UNC13B: variants seen among roughly 807,000 people sequenced by gnomAD.
UNC13B encodes the protein protein unc-13 homolog B.
UNC13B carries 144 observed loss-of-function variants against 211.0 expected under a neutral mutation model. The ratio of observed to expected loss-of-function variants is 0.68; its 90% confidence interval spans 0.60 to 0.78. UNC13B has a LOEUF of 0.78. Ranked by LOEUF, UNC13B falls within the 30% of genes least tolerant of loss-of-function variation. UNC13B has a pLI of 0.00. For synonymous variants in UNC13B, 709 were observed against 725.8 expected, an observed-to-expected ratio of 0.98 and a Z score of 0.37; for missense variants, 1,777 against 2,002.0, an observed-to-expected ratio of 0.89 and a Z score of 2.14.
intron 21 of UNC13B, among the ~76,000 whole-genome samples, chr9:35,383,335 T>G (rs975257340): frequency 6.6e-6 from 1 of 152,216 alleles, no homozygotes; most frequent in South Asian, 2.1e-4. Context: ...CTGACATTAA[T>G]TCAGTATAAA....
At chr9:35,358,381 T>G (rs1833170119) in intron 11 of UNC13B, among the ~76,000 whole-genome samples, 1 of 152,208 alleles carries the variant, frequency 6.6e-6, no homozygotes, top group East Asian at 1.9e-4. Context: ...CATACCATTT[T>G]CCATGGTGGC....
intron 7 of UNC13B, among the ~76,000 whole-genome samples, chr9:35,285,560 A>G (rs1418197633): frequency 1.3e-5 from 2 of 152,100 alleles, no homozygotes; most frequent in Admixed American, 6.5e-5. Flanking sequence ...CTCTACAGAA[A>G]ACAAAAATTA....
chr9:35,205,115 C>A (rs1423920271), intron 1 of UNC13B, among the ~76,000 whole-genome samples: 2 of 152,126 alleles, frequency 1.3e-5, no homozygotes, highest in African/African-American at 4.8e-5. Context: ...TAGCACCTCA[C>A]CCCTCACTCT....
intron 1 of UNC13B, among the ~76,000 whole-genome samples, chr9:35,213,050 G>C (rs1824056716): frequency 6.6e-6 from 1 of 152,206 alleles, no homozygotes; most frequent in African/African-American, 2.4e-5. Flanking sequence ...TAAGTTAAAT[G>C]GAAATAACAC....
At chr9:35,178,199 A>G (rs1174602054) in intron 1 of UNC13B, among the ~76,000 whole-genome samples, 2 of 152,164 alleles carry the variant, frequency 1.3e-5, no homozygotes, top group Non-Finnish European at 2.9e-5. Flanking sequence ...AGGCATCATT[A>G]TTTTATGTAT....
Position 35,268,859 on chromosome 9 carries a change from G to C in UNC13B, c.526+9809G>C, listed in dbSNP as rs149134384. ...TGCTTTTATTTAAATAAACTTCCAT[G>C]CATTAGTTTTAGGATGTATTATGAT... is the stretch of plus-strand genomic sequence containing the variant. On this transcript the variant is annotated intron_variant, in intron 7 of 39. Coordinates refer to ENST00000635942, the MANE Select transcript of UNC13B (RefSeq NM_001371189.2). 7.9e-5 allele frequency among the ~76,000 whole-genome samples: 12 copies of C among 152,212 alleles called. No homozygotes were observed. The East Asian group carries it at 2.3e-3, about 29-fold the overall frequency.
chr9:35,211,433 G>A (rs780227844), intron 1 of UNC13B, among the ~76,000 whole-genome samples: 2 of 152,156 alleles, frequency 1.3e-5, no homozygotes, highest in Non-Finnish European at 2.9e-5. Flanking sequence ...GTGGGTACCC[G>A]TAAATCTGCC....
At chr9:35,297,498 A>G (rs539774548) in intron 8 of UNC13B, among the ~76,000 whole-genome samples, 1 of 151,796 alleles carries the variant, frequency 6.6e-6, no homozygotes, top group African/African-American at 2.4e-5. Flanking sequence ...GTTTTTGGCA[A>G]AAATGCTGGA....
intron 7 of UNC13B, among the ~76,000 whole-genome samples, chr9:35,269,581 G>A (rs1214545085): frequency 6.6e-6 from 1 of 152,198 alleles, no homozygotes; most frequent in African/African-American, 2.4e-5. Context: ...GGGACTGAAA[G>A]TTCTAACCCT....
chr9:35,308,151 CTCAGGGGCTT>C lies in UNC13B; in HGVS notation c.8754_8763del (p.Ser2920GlufsTer46). 2 of 399,526 alleles carry C rather than the reference CTCAGGGGCTT, an allele frequency of 5.0e-6. No individual in the cohort carries two copies. Among genetic ancestry groups the C allele is most frequent in the Non-Finnish European group, 8.8e-6 (2 of 226,504 alleles). 24.7% of individuals were successfully genotyped at this position (399,526 alleles called of 1,614,324 possible). On this transcript the variant is annotated frameshift_variant, in exon 9 of 40. Transcript: ENST00000635942. LOFTEE classifies it high-confidence loss of function. Reference sequence around the variant, plus strand: ...CTGGTGGCCAGTCCAGAGGTCTGTGCTCAGGGGCTTTCAGGGTCTGGAGAAGGGGGAAACC... The same window carrying C: ...CTGGTGGCCAGTCCAGAGGTCTGTGCTCAGGGTCTGGAGAAGGGGGAAACC...
chr9:35,404,264 C>T lies in UNC13B; in HGVS notation c.*231C>T. 2 of 577,450 alleles carry T rather than the reference C, an allele frequency of 3.5e-6. No homozygotes were observed. Among genetic ancestry groups the T allele is most frequent in the Admixed American group, 3.1e-5 (1 of 32,486 alleles). 35.8% of individuals were successfully genotyped at this position (577,450 alleles called of 1,614,324 possible). ...TAGGGGCTGGGATGTGGGGTTACCA[C>T]ATGGAGAGATTTTCCATTAAGAGAG... On this transcript the variant is annotated 3_prime_UTR_variant, in exon 40 of 40. Coordinates refer to ENST00000635942, the MANE Select transcript of UNC13B (RefSeq NM_001371189.2).
chr9:35,184,192 G>C (rs1223163793), intron 1 of UNC13B, among the ~76,000 whole-genome samples: 2 of 151,352 alleles, frequency 1.3e-5, no homozygotes, highest in Non-Finnish European at 3.0e-5. Context: ...TCCCAGACAG[G>C]GCGGCCGGGC....
intron 27 of UNC13B, 106 bp from the exon 28 acceptor site, chr9:35,396,735 T>C: frequency 6.3e-7 from 1 of 1,598,366 alleles, no homozygotes; most frequent in Non-Finnish European, 8.6e-7. Context: ...AGAAAAGTGT[T>C]AAACTGTGCC....
intron 1 of UNC13B, among the ~76,000 whole-genome samples, chr9:35,227,374 C>T (rs1045198622): frequency 3.9e-5 from 6 of 151,998 alleles, no homozygotes; most frequent in Admixed American, 2.6e-4. Context: ...TCCTGTGGCA[C>T]GTAGCTCTAA....
intron 1 of UNC13B, among the ~76,000 whole-genome samples, chr9:35,214,008 A>G (rs1201888568): frequency 6.6e-6 from 1 of 152,252 alleles, no homozygotes; most frequent in African/African-American, 2.4e-5. Context: ...GTGTCATGAT[A>G]CATGACGTAG....
rs375284005 is a variant in UNC13B at position 35,197,315 on chromosome 9, CT to C, written c.23-30699del. 7.6e-4 allele frequency among the ~76,000 whole-genome samples: 116 copies of C among 152,188 alleles called. 2 individuals carry two copies. The South Asian group carries it at 0.019, about 25-fold the overall frequency. On this transcript the variant is annotated intron_variant, in intron 1 of 39. Coordinates refer to ENST00000635942, the MANE Select transcript of UNC13B (RefSeq NM_001371189.2). ...CTCCGCCTTCCAGGTTCAAGCAATC[CT>C]CCCACCTCAGTCTCCTGAGTAGCTG...
At chr9:35,200,724 G>A (rs1823233957) in intron 1 of UNC13B, among the ~76,000 whole-genome samples, 1 of 152,184 alleles carries the variant, frequency 6.6e-6, no homozygotes, top group Admixed American at 6.5e-5. Flanking sequence ...ATCAGCTTAA[G>A]GAGATTTTGG....
intron 5 of UNC13B, among the ~76,000 whole-genome samples, chr9:35,241,526 G>A (rs1027143439): frequency 2.7e-4 from 41 of 151,048 alleles, no homozygotes; most frequent in African/African-American, 8.8e-4. Flanking sequence ...ACTTTCTTGT[G>A]TATCTTTCCA....
At chr9:35,261,809 C>G (rs1294555086) in intron 7 of UNC13B, among the ~76,000 whole-genome samples, 2 of 152,034 alleles carry the variant, frequency 1.3e-5, no homozygotes, top group Non-Finnish European at 1.5e-5. Flanking sequence ...TCCTTCTATT[C>G]TCTGTCTCCA....
Sources: gnomAD v4.1 joint callset for allele counts (sites outside exome capture counted in the v4.1 genomes callset) on GRCh38, gnomAD v4.1.1 for gene constraint, MANE v1.5 for transcripts, NCBI Gene and HGNC (gene_info 2026-07-23, HGNC 2026-07-21) for gene names.